Variants in ZNF682 observed in about 807,000 individuals in gnomAD.
ZNF682 encodes zinc finger protein 682.
In ZNF682, 29 loss-of-function variants were observed where a neutral mutation model predicts 36.5. The ratio of observed to expected loss-of-function variants is 0.80; its 90% CI spans 0.59 to 1.08. ZNF682 has a LOEUF of 1.08. Among genes scored for constraint, ZNF682 ranks in the 50% least tolerant of loss-of-function variants. ZNF682 has a pLI of 0.00. For synonymous variants in ZNF682, 180 were observed against 197.0 expected, an observed-to-expected ratio of 0.91 and a Z score of 0.72; for missense variants, 561 against 579.7, an observed-to-expected ratio of 0.97 and a Z score of 0.33.
chr19:20,020,428 C>T (rs1599610360), intron 3 of ZNF682, among the ~76,000 whole-genome samples: 1 of 152,106 alleles, frequency 6.6e-6, no homozygotes, highest in Non-Finnish European at 1.5e-5. Context: ...ACCCGGGAGG[C>T]GGAGGTTGCA....
rs1348888303 is a variant in ZNF682 at position 20,006,030 on chromosome 19, T to A, written c.1472A>T (p.Asn491Ile). The A allele has an allele frequency of 1.9e-6, 3 of 1,605,044 alleles. No individual in the cohort carries two copies. The highest frequency in any genetic ancestry group is 2.6e-6 in the Non-Finnish European group (3 of 1,174,568). ...CKYKKCGEAF[N>I]HCSNLTT is the part of the protein sequence containing the mutation. ...TTACGTAGTAAGGTTTGAGCAGTGA[T>A]TAAAAGCTTCCCCACATTTTTTATA... The change falls in exon 4 of 4, where the codon AAT becomes ATT. Residue 491 changes from asparagine to isoleucine, a missense_variant. Coordinates refer to ENST00000397165, the MANE Select transcript of ZNF682 (RefSeq NM_033196.3).
chr19:20,000,465 T>C (rs2088159746), downstream of ZNF682, among the ~76,000 whole-genome samples: 1 of 152,186 alleles, frequency 6.6e-6, no homozygotes, highest in African/African-American at 2.4e-5. Context: ...AGGCCAGTCC[T>C]CTCTTGTCGT....
intron 3 of ZNF682, among the ~76,000 whole-genome samples, chr19:20,016,050 C>T (rs1027022991): frequency 7.2e-5 from 11 of 152,288 alleles, no homozygotes; most frequent in African/African-American, 2.4e-4. Context: ...GTGGCTCAAG[C>T]CTGTAACCCT....
intron 3 of ZNF682, among the ~76,000 whole-genome samples, chr19:20,012,725 G>A (rs555664639): frequency 2.1e-5 from 3 of 140,570 alleles, no homozygotes; most frequent in East Asian, 2.1e-4. Context: ...CCGAGATCGC[G>A]CCACTGCACT....
At chr19:20,017,225 T>C (rs2088341963) in intron 3 of ZNF682, among the ~76,000 whole-genome samples, 1 of 152,214 alleles carries the variant, frequency 6.6e-6, no homozygotes, top group Non-Finnish European at 1.5e-5. Context: ...TTCTTTCTGG[T>C]ATTATTTTAA....
intron 1 of ZNF682, among the ~76,000 whole-genome samples, chr19:20,035,785 G>A (rs536539253): frequency 3.9e-5 from 6 of 151,960 alleles, no homozygotes; most frequent in Non-Finnish European, 8.8e-5. Context: ...GCCCAGGCTG[G>A]AGTGCAGTAG....
Position 20,005,870 on chromosome 19 carries a change from G to A in ZNF682, c.*135C>T, listed in dbSNP as rs984615181. On this transcript the variant is annotated 3_prime_UTR_variant, in exon 4 of 4. Transcript: ENST00000397165. The stretch of plus-strand genomic sequence containing the variant: ...CAATAAGCTGTCAGCAATGGTTGAA[G>A]ACTTTCCCCACATTCTTCACATTTG... 9 of 898,074 alleles carry A rather than the reference G, an allele frequency of 1.0e-5. No individual in the cohort carries two copies. The highest frequency in any genetic ancestry group is 1.5e-5 in the Non-Finnish European group (9 of 603,634). The allele number at this position is 898,074 out of a possible 1,614,324, so 55.6% of individuals were successfully genotyped here.
chr19:20,015,235 T>A (rs770483535), intron 3 of ZNF682: 20 of 985,290 alleles, frequency 2.0e-5, no homozygotes, highest in Non-Finnish European at 1.6e-5. Context: ...TGAATAGATG[T>A]TGAATTTACA....
intron 1 of ZNF682, among the ~76,000 whole-genome samples, chr19:20,028,213 G>T (rs1599615131): frequency 6.6e-6 from 1 of 151,398 alleles, no homozygotes; most frequent in African/African-American, 2.4e-5. Context: ...TGATTCTGCA[G>T]GTTTGTTTGT....
chr19:20,009,075 A>C (rs1162419476), intron 3 of ZNF682, among the ~76,000 whole-genome samples: 1 of 152,202 alleles, frequency 6.6e-6, no homozygotes, highest in African/African-American at 2.4e-5. Flanking sequence ...AAAGGAAAAG[A>C]AGCACCAGCT....
At chr19:19,996,160 A>G (rs1295724231), downstream of ZNF682, among the ~76,000 whole-genome samples, 1 of 152,198 alleles carries the variant, frequency 6.6e-6, no homozygotes, top group African/African-American at 2.4e-5. Context: ...TTGAGCACCC[A>G]TGGGCACACA....
intron 3 of ZNF682, chr19:19,997,407 G>A (rs796486858): frequency 2.5e-6 from 1 of 395,864 alleles, no homozygotes. Context: ...GCTGGCCTTT[G>A]TTCTTCATTG....
At chr19:20,022,887 G>T in intron 3 of ZNF682, 117 bp downstream of exon 3, 1 of 825,920 alleles carries the variant, frequency 1.2e-6, no homozygotes, top group Non-Finnish European at 2.0e-6. Context: ...AAACAATCAC[G>T]TTCCTCAAAA....
At position 20,005,745 on chromosome 19, in the gene ZNF682, C is replaced by T. The variant is rs1319962006; in HGVS notation, c.*260G>A. 1 of 453,462 alleles carries T rather than the reference C, an allele frequency of 2.2e-6. No homozygotes were observed. Among genetic ancestry groups the T allele is most frequent in the African/African-American group, 2.0e-5 (1 of 51,192 alleles). 28.1% of individuals were successfully genotyped at this position (453,462 alleles called of 1,614,324 possible). On this transcript the variant is annotated 3_prime_UTR_variant, in exon 4 of 4. Coordinates refer to ENST00000397165, the MANE Select transcript of ZNF682 (RefSeq NM_033196.3). The stretch of plus-strand genomic sequence containing the variant: ...ATCATTACACTTACATTGCTTTTAT[C>T]TAGCACAAAACCTCTGATGAGTAAG...
chr19:20,016,136 C>A (rs2088332797), intron 3 of ZNF682, among the ~76,000 whole-genome samples: 1 of 152,142 alleles, frequency 6.6e-6, no homozygotes, highest in South Asian at 2.1e-4. Flanking sequence ...CATGGTGAAA[C>A]TCCATCTTTA....
downstream of ZNF682, among the ~76,000 whole-genome samples, chr19:20,003,477 G>C (rs1192908018): frequency 6.6e-6 from 1 of 151,750 alleles, no homozygotes. Flanking sequence ...GGCTGAGGCG[G>C]GTGGATCACA....
downstream of ZNF682, among the ~76,000 whole-genome samples, chr19:20,003,146 G>A (rs1431649398): frequency 4.5e-5 from 5 of 111,114 alleles, no homozygotes; most frequent in Non-Finnish European, 6.6e-5. Flanking sequence ...AGCCGAGATC[G>A]CACCACTGCA....
downstream of ZNF682, among the ~76,000 whole-genome samples, chr19:20,003,055 G>C (rs1421252489): frequency 2.6e-5 from 4 of 151,342 alleles, no homozygotes; most frequent in African/African-American, 7.3e-5. Flanking sequence ...GCCGGGCGTG[G>C]TGGTGGGCGC....
intron 3 of ZNF682, among the ~76,000 whole-genome samples, chr19:20,016,834 A>G (rs979359479): frequency 5.9e-5 from 9 of 152,166 alleles, no homozygotes; most frequent in Admixed American, 1.3e-4. Context: ...CTACTATAAT[A>G]ATAATGCATA....
Sources: allele counts gnomAD v4.1 joint callset (sites outside exome capture counted in the v4.1 genomes callset), GRCh38; gene constraint gnomAD v4.1.1; transcripts MANE v1.5; gene names NCBI Gene and HGNC (gene_info 2026-07-23, HGNC 2026-07-21).